Variants in RFX3 observed in about 807,000 individuals in gnomAD.
RFX3 encodes regulatory factor X3.
A neutral mutation model predicts 98.6 loss-of-function variants in RFX3; 14 were observed. The ratio of observed to expected loss-of-function variants is 0.14; its 90% confidence interval spans 0.09 to 0.22. The LOEUF (loss-of-function observed/expected upper bound fraction) is 0.22. Ranked by LOEUF, RFX3 falls within the 10% of genes least tolerant of loss-of-function variation. The pLI is 1.00. For missense variants in RFX3, 639 were observed against 926.9 expected, an observed-to-expected ratio of 0.69 and a Z score of 4.03; for synonymous variants, 383 against 328.4, an observed-to-expected ratio of 1.17 and a Z score of -1.80.
intron 7 of RFX3, among the ~76,000 whole-genome samples, chr9:3,281,115 T>C (rs1196725390): frequency 6.6e-6 from 1 of 151,706 alleles, no homozygotes; most frequent in African/African-American, 2.4e-5. Flanking sequence ...TATAGGCACA[T>C]GGTTTTTAAA....
At chr9:3,299,039 G>A (rs556163890) in intron 5 of RFX3, among the ~76,000 whole-genome samples, 8 of 151,444 alleles carry the variant, frequency 5.3e-5, no homozygotes, top group African/African-American at 7.3e-5. Context: ...ATCATAAAGC[G>A]GAATTCATGT....
At chr9:3,386,730 C>T (rs1839762331) in intron 2 of RFX3, among the ~76,000 whole-genome samples, 2 of 152,074 alleles carry the variant, frequency 1.3e-5, no homozygotes, top group Admixed American at 6.6e-5. Context: ...TCCAGAAGTG[C>T]ACAGTTTCAA....
chr9:3,314,079 C>T (rs976872268), intron 4 of RFX3, among the ~76,000 whole-genome samples: 6 of 152,084 alleles, frequency 3.9e-5, no homozygotes, highest in Admixed American at 6.5e-5. Flanking sequence ...GTCAGATTCA[C>T]CAAAGTTGAA....
intron 1 of RFX3, among the ~76,000 whole-genome samples, chr9:3,524,866 CACACACACACA>C (rs778976729): frequency 0.02 from 2,822 of 139,496 alleles, 83 homozygotes; most frequent in African/African-American, 0.06. Flanking sequence ...CACACACACA[CACACACACACA>C]CCAAAGAAGA....
intron 3 of RFX3, 91 bp from the exon 4 acceptor site, chr9:3,330,608 G>A (rs1832480021): frequency 8.0e-7 from 1 of 1,250,750 alleles, no homozygotes; most frequent in African/African-American, 1.5e-5. Flanking sequence ...AAATATATTG[G>A]TTGGCTTAGC....
At chr9:3,252,825 T>A (rs990142566) in intron 14 of RFX3, among the ~76,000 whole-genome samples, 1 of 152,216 alleles carries the variant, frequency 6.6e-6, no homozygotes, top group Non-Finnish European at 1.5e-5. Flanking sequence ...GATCCTCAAT[T>A]ATAATACCTA....
intron 1 of RFX3, among the ~76,000 whole-genome samples, chr9:3,494,781 G>C (rs1357942925): frequency 6.6e-6 from 1 of 152,082 alleles, no homozygotes; most frequent in Non-Finnish European, 1.5e-5. Context: ...ATAGAAGACA[G>C]ATTCTCACAT....
chr9:3,416,639 A>G (rs11795111), intron 1 of RFX3, among the ~76,000 whole-genome samples: 5,624 of 152,248 alleles, frequency 0.037, 119 homozygotes, highest in Middle Eastern at 0.082. Flanking sequence ...CTTACCCTAT[A>G]CATGAAGTGG....
chr9:3,508,996 GGAGA>G (rs754948028), intron 1 of RFX3, among the ~76,000 whole-genome samples: 28 of 151,558 alleles, frequency 1.8e-4, no homozygotes, highest in East Asian at 3.9e-4. Context: ...GACACAGAGA[GGAGA>G]GAGAGAGAAA....
At chr9:3,511,834 A>T (rs1817689327) in intron 1 of RFX3, among the ~76,000 whole-genome samples, 1 of 152,078 alleles carries the variant, frequency 6.6e-6, no homozygotes, top group African/African-American at 2.4e-5. Context: ...TTCAATTACT[A>T]AACAAAAGAT....
intron 4 of RFX3, among the ~76,000 whole-genome samples, chr9:3,325,832 T>C (rs1831848765): frequency 6.6e-6 from 1 of 152,114 alleles, no homozygotes; most frequent in Non-Finnish European, 1.5e-5. Flanking sequence ...ATGATGTGAT[T>C]ATATAGAAAA....
Position 3,335,043 on chromosome 9 carries a change from T to G in RFX3, c.216-4526A>C, listed in dbSNP as rs1030256543. 1.6e-4 allele frequency among the ~76,000 whole-genome samples: 25 copies of G among 152,094 alleles called. 1 individual carries two copies. In the Middle Eastern group the frequency reaches 0.031, roughly 186 times the overall value. On this transcript the variant is annotated intron_variant, in intron 3 of 16. Coordinates refer to ENST00000617270, the MANE Select transcript of RFX3 (RefSeq NM_001282116.2). ...CTGAGGCAGGAGAATCGCTTGAACC[T>G]GGGAGGTGGAGGTTGCAGTGAGCCG...
intron 1 of RFX3, among the ~76,000 whole-genome samples, chr9:3,418,535 A>T (rs1374741651): frequency 6.6e-6 from 1 of 151,956 alleles, no homozygotes; most frequent in Non-Finnish European, 1.5e-5. Context: ...ACCCACCACC[A>T]TGCCCAGCTA....
chr9:3,484,556 A>C (rs994525173), intron 1 of RFX3, among the ~76,000 whole-genome samples: 4 of 152,240 alleles, frequency 2.6e-5, no homozygotes, highest in African/African-American at 7.2e-5. Context: ...GTACACATTT[A>C]CTTCCTTTTG....
At chr9:3,369,070 G>A (rs1461538141) in intron 2 of RFX3, among the ~76,000 whole-genome samples, 1 of 152,032 alleles carries the variant, frequency 6.6e-6, no homozygotes, top group Non-Finnish European at 1.5e-5. Flanking sequence ...GAGCTTCCAA[G>A]GAAAAAATCA....
chr9:3,387,335 T>A (rs192914624), intron 2 of RFX3, among the ~76,000 whole-genome samples: 14 of 152,258 alleles, frequency 9.2e-5, no homozygotes, highest in African/African-American at 3.4e-4. Context: ...GAACATGGTA[T>A]CTAGAACTGA....
intron 7 of RFX3, among the ~76,000 whole-genome samples, chr9:3,283,512 C>T (rs1327052985): frequency 1.3e-5 from 2 of 151,640 alleles, no homozygotes; most frequent in East Asian, 1.9e-4. Flanking sequence ...ATATAGGGTT[C>T]GTTTAACTAG....
intron 4 of RFX3, among the ~76,000 whole-genome samples, chr9:3,316,796 G>T (rs919359177): frequency 6.6e-6 from 1 of 152,054 alleles, no homozygotes; most frequent in Admixed American, 6.5e-5. Context: ...AAATACCTAG[G>T]AATCCAACTT....
At chr9:3,520,000 C>T (rs1818547549) in intron 1 of RFX3, among the ~76,000 whole-genome samples, 1 of 152,038 alleles carries the variant, frequency 6.6e-6, no homozygotes, top group African/African-American at 2.4e-5. Flanking sequence ...GTCCTAGCTA[C>T]TCAGGAGGCT....
Sources: allele counts gnomAD v4.1 joint callset (sites outside exome capture counted in the v4.1 genomes callset), GRCh38; gene constraint gnomAD v4.1.1; transcripts MANE v1.5; gene names NCBI Gene and HGNC (gene_info 2026-07-23, HGNC 2026-07-21).